VAT1L: variants seen among roughly 807,000 people sequenced by gnomAD.
VAT1L encodes putative NADPH-dependent quinone oxidoreductase VAT1L.
Under a neutral mutation model 44.1 loss-of-function variants are expected in VAT1L, and 34 were observed. The observed-to-expected ratio is 0.77, with a 90% CI of 0.59 to 1.03. VAT1L has a LOEUF of 1.03. Ranked by LOEUF, VAT1L falls within the 50% of genes least tolerant of loss-of-function variation. VAT1L has a pLI of 0.00. For synonymous variants in VAT1L, 253 were observed against 202.2 expected (o/e 1.25, Z -2.13); for missense variants, 615 against 538.8 (o/e 1.14, Z -1.40).
At chr16:77,964,585 A>C (rs1223096620) in intron 7 of VAT1L, among the ~76,000 whole-genome samples, 2 of 152,048 alleles carry the variant, frequency 1.3e-5, no homozygotes, top group African/African-American at 4.8e-5. Flanking sequence ...TAGCTTAATC[A>C]CTTCTACAAA....
rs1567460743 is a variant in VAT1L, at chr16:77,788,760, G to C, written c.78G>C (p.Glu26Asp). Residue 26 changes from glutamate to aspartate, a missense_variant, in exon 1 of 9, where the codon GAG (glutamate) becomes GAC (aspartate). Transcript: ENST00000302536. ...AGGAGGCAGGCAAGGAGCCGGCGGA[G>C]GGCGGCGGCGGCGACGGCTCGCACC... ...IEKEAGKEPA[E>D]GGGGDGSHRL... 1.3e-6 allele frequency: 2 copies of C among 1,562,306 alleles called. No individual in the cohort carries two copies. The highest frequency in any genetic ancestry group is 1.7e-6 in the Non-Finnish European group (2 of 1,153,244).
At chr16:77,933,231 T>C (rs759356170) in intron 7 of VAT1L, among the ~76,000 whole-genome samples, 1 of 152,224 alleles carries the variant, frequency 6.6e-6, no homozygotes, top group Non-Finnish European at 1.5e-5. Context: ...TTAGTTCCCA[T>C]TGTCGCCTAA....
rs1467964668 is a variant in VAT1L at position 77,884,038 on chromosome 16, A to C, written c.883-570A>C. Among the ~76,000 whole-genome samples the C allele has an allele frequency of 1.3e-5, 2 of 152,108 alleles. No homozygotes were observed. Among genetic ancestry groups the C allele is most frequent in the East Asian group, 1.9e-4 (1 of 5,190 alleles). On this transcript the variant is annotated intron_variant, in intron 6 of 8. Transcript: ENST00000302536. The surrounding 1 kb of genome is among the most constrained non-coding windows in gnomAD (Gnocchi z 4.5). ...AGCTGATGATCCTGACCATGTACTT[A>C]ATATTTCAACTACATGTGGCCATGT...
chr16:77,841,469 T>G (rs1256940785), intron 3 of VAT1L, among the ~76,000 whole-genome samples: 2 of 152,234 alleles, frequency 1.3e-5, no homozygotes, highest in African/African-American at 2.4e-5. Context: ...TCCTCCTTGT[T>G]GACCCATTAC....
intron 7 of VAT1L, among the ~76,000 whole-genome samples, chr16:77,918,268 T>C (rs1437644290): frequency 6.6e-6 from 1 of 152,230 alleles, no homozygotes; most frequent in Non-Finnish European, 1.5e-5. Flanking sequence ...AGCTAAGTAC[T>C]GATTCAAAGA....
At chr16:77,819,223 G>A (rs962737660) in intron 2 of VAT1L, among the ~76,000 whole-genome samples, 3 of 152,118 alleles carry the variant, frequency 2.0e-5, no homozygotes, top group African/African-American at 7.2e-5. Context: ...GAAATATTCT[G>A]TTCATTACAC....
chr16:77,851,590 T>C (rs1409000974), intron 3 of VAT1L, among the ~76,000 whole-genome samples: 2 of 151,816 alleles, frequency 1.3e-5, no homozygotes, highest in Admixed American at 6.6e-5. Context: ...GAGTTTGAGT[T>C]TACTGCAAGC....
At chr16:77,858,890 C>G (rs903426398) in intron 3 of VAT1L, among the ~76,000 whole-genome samples, 1 of 152,022 alleles carries the variant, frequency 6.6e-6, no homozygotes, top group African/African-American at 2.4e-5. Flanking sequence ...AATCCCAGCA[C>G]TTTGGGAGGC....
At chr16:77,952,855 TAAAAAAA>T (rs61033802) in intron 7 of VAT1L, among the ~76,000 whole-genome samples, 3 of 92,234 alleles carry the variant, frequency 3.3e-5, no homozygotes, top group Admixed American at 1.4e-4. Context: ...AGACTCCATT[TAAAAAAA>T]AAAAAAAAAA....
chr16:77,839,460 T>G (rs562258130), intron 3 of VAT1L, among the ~76,000 whole-genome samples: 20 of 134,516 alleles, frequency 1.5e-4, no homozygotes, highest in African/African-American at 5.6e-4. Flanking sequence ...GGTGTGAACC[T>G]GGGAGGCAGA....
At chr16:77,948,055 C>T (rs7202718) in intron 7 of VAT1L, among the ~76,000 whole-genome samples, 20,111 of 152,228 alleles carry the variant, frequency 0.13, 1,414 homozygotes, top group Middle Eastern at 0.22. Context: ...CCACCGCGCC[C>T]GGCCCCATCT....
At chr16:77,847,232 A>C (rs1396536578) in intron 3 of VAT1L, among the ~76,000 whole-genome samples, 2 of 152,130 alleles carry the variant, frequency 1.3e-5, no homozygotes, top group African/African-American at 4.8e-5. Context: ...AAAAAAAAAA[A>C]AGCTCTTAAA....
intron 7 of VAT1L, among the ~76,000 whole-genome samples, chr16:77,886,081 T>C (rs1037764766): frequency 6.6e-6 from 1 of 152,256 alleles, no homozygotes; most frequent in Non-Finnish European, 1.5e-5. Context: ...CAGAGAAGGA[T>C]AACATTGTTA....
At chr16:77,885,267 T>C (rs1274120378) in intron 7 of VAT1L, among the ~76,000 whole-genome samples, 1 of 152,202 alleles carries the variant, frequency 6.6e-6, no homozygotes, top group East Asian at 1.9e-4. Flanking sequence ...TGCTGAATTG[T>C]TGGGTCTAAA....
intron 7 of VAT1L, among the ~76,000 whole-genome samples, chr16:77,895,672 G>C (rs919437995): frequency 1.3e-5 from 2 of 152,218 alleles, no homozygotes; most frequent in African/African-American, 4.8e-5. Context: ...AGAACTGTAA[G>C]AGAATAAATT....
Position 77,884,083 on chromosome 16 carries a change from C to T in VAT1L, c.883-525C>T, listed in dbSNP as rs990876421. On this transcript the variant is annotated intron_variant, in intron 6 of 8. Coordinates refer to ENST00000302536, the MANE Select transcript of VAT1L (RefSeq NM_020927.3). The surrounding 1 kb of genome is among the most constrained non-coding windows in gnomAD (Gnocchi z 4.5). ...CCATGTAGTTAGTTTTGGGCTCTCT[C>T]TCCCACTTAGACCTGAGCGTCTCAT... is the stretch of plus-strand genomic sequence containing the variant. Among the ~76,000 whole-genome samples the T allele has an allele frequency of 6.6e-6, 1 of 152,158 alleles. No homozygotes were observed. The highest frequency in any genetic ancestry group is 1.5e-5 in the Non-Finnish European group (1 of 68,030).
chr16:77,808,722 C>T (rs772233856), intron 1 of VAT1L, among the ~76,000 whole-genome samples: 7 of 151,916 alleles, frequency 4.6e-5, no homozygotes, highest in Admixed American at 2.6e-4. Context: ...CAGCCTCCCA[C>T]GTAGCTAGGA....
chr16:77,805,320 CA>C, intron 1 of VAT1L, among the ~76,000 whole-genome samples: 1 of 151,740 alleles, frequency 6.6e-6, no homozygotes, highest in South Asian at 2.1e-4. Context: ...TTGAGCAAAT[CA>C]AAAAAGAAAA....
In VAT1L at chr16:77,862,821, A is replaced by C; in HGVS notation, c.653A>C (p.His218Pro). 6.2e-7 allele frequency: 1 copy of C among 1,614,096 alleles called. No homozygotes were observed. The highest frequency in any genetic ancestry group is 8.5e-7 in the Non-Finnish European group (1 of 1,180,008). Residue 218 changes from histidine (H) to proline (P), a missense_variant, in exon 4 of 9, where the codon CAT becomes CCT. Transcript: ENST00000302536. ...TVFGTASTFK[H>P]EAIKDSVTHL... ...TTTGGAACAGCCTCTACTTTCAAGC[A>C]TGAAGCAATCAAAGACTCTGTGACC...
Sources: gnomAD v4.1 joint callset for allele counts (sites outside exome capture counted in the v4.1 genomes callset) on GRCh38, gnomAD v4.1.1 for gene constraint, Gnocchi (gnomAD v3.1) non-coding constraint, MANE v1.5 for transcripts, NCBI Gene and HGNC (gene_info 2026-07-23, HGNC 2026-07-21) for gene names.